The following KIAA1549L variants were observed in gnomAD, a reference collection of about 807,000 sequenced individuals.
KIAA1549L encodes the protein UPF0606 protein KIAA1549L.
In KIAA1549L, 88 loss-of-function variants were observed where a neutral mutation model predicts 160.7. That is an observed-to-expected ratio of 0.55 (90% CI 0.46 to 0.65). The LOEUF (loss-of-function observed/expected upper bound fraction) is 0.65. KIAA1549L is among the 30% of genes least tolerant of loss of function. The pLI, the probability that KIAA1549L is intolerant of heterozygous loss-of-function variation, is 0.00. For synonymous variants in KIAA1549L, 950 were observed against 976.7 expected (o/e 0.97, Z 0.51); for missense variants, 2,258 against 2,437.5 (o/e 0.93, Z 1.55).
rs547710120 is a variant in KIAA1549L at position 33,543,375 on chromosome 11, C to T, written c.1812C>T (p.Thr604=). The change falls in exon 2 of 21, where the codon ACC becomes ACT. Residue 604 remains threonine, a synonymous_variant. Transcript: ENST00000658780. ...TVNGFVSDFS[T]GSVSSPIITA... is the part of the protein sequence containing the mutation. ...ATGGATTTGTCTCTGATTTCAGCAC[C>T]GGTAGTGTCTCATCTCCCATCATTA... is the stretch of plus-strand genomic sequence containing the variant. The T allele has an allele frequency of 4.1e-5, 66 of 1,614,008 alleles. No homozygotes were observed. In the Middle Eastern group the frequency reaches 4.9e-4, roughly 12 times the overall value.
chr11:33,522,303 CAT>C (rs760978564), intron 1 of KIAA1549L, among the ~76,000 whole-genome samples: 1 of 152,112 alleles, frequency 6.6e-6, no homozygotes, highest in Non-Finnish European at 1.5e-5. Flanking sequence ...ATAGTGATAT[CAT>C]ATTAATGGCG....
chr11:33,552,335 C>T, intron 6 of KIAA1549L, 94 bp downstream of exon 6: 1 of 1,348,762 alleles, frequency 7.4e-7, no homozygotes, highest in Non-Finnish European at 1.0e-6. Context: ...TTCAGAGCTA[C>T]CATGTATAAA....
At chr11:33,609,706 C>T (rs1172812804) in intron 14 of KIAA1549L, 43 bp from the exon 15 acceptor site, 2 of 1,485,240 alleles carry the variant, frequency 1.3e-6, no homozygotes, top group Non-Finnish European at 9.2e-7. Flanking sequence ...ACCTGCCGGC[C>T]CCACTGGGTC....
chr11:33,383,740 G>A (rs1371381361), intron 1 of KIAA1549L, among the ~76,000 whole-genome samples: 4 of 152,182 alleles, frequency 2.6e-5, no homozygotes, highest in Non-Finnish European at 5.9e-5. Context: ...GGATGTGGCA[G>A]GACAGCAAGT....
intron 1 of KIAA1549L, among the ~76,000 whole-genome samples, chr11:33,508,216 G>A (rs1590297353): frequency 6.6e-6 from 1 of 152,324 alleles, no homozygotes; most frequent in South Asian, 2.1e-4. Flanking sequence ...GTAGTTTTTG[G>A]TTATCCAGCC....
At chr11:33,586,671 G>A (rs1849888255) in intron 11 of KIAA1549L, among the ~76,000 whole-genome samples, 1 of 151,914 alleles carries the variant, frequency 6.6e-6, no homozygotes, top group South Asian at 2.1e-4. Flanking sequence ...GCTTGGGACA[G>A]GCCAGTCACC....
chr11:33,567,861 G>A (rs1855102159), intron 8 of KIAA1549L, among the ~76,000 whole-genome samples: 2 of 152,196 alleles, frequency 1.3e-5, no homozygotes, highest in Admixed American at 6.5e-5. Context: ...CGTGACCTCA[G>A]ACAAGTCACT....
chr11:33,568,339 C>T (rs965170922), intron 9 of KIAA1549L, 112 bp downstream of exon 9: 41 of 966,254 alleles, frequency 4.2e-5, no homozygotes, highest in Non-Finnish European at 5.7e-5. Context: ...ATGCTGCCAA[C>T]TGACTAAGCC....
At chr11:33,380,368 G>A (rs1565112916) in intron 1 of KIAA1549L, among the ~76,000 whole-genome samples, 1 of 152,156 alleles carries the variant, frequency 6.6e-6, no homozygotes, top group Non-Finnish European at 1.5e-5. Context: ...ATAATTCACA[G>A]TAAGTTGTGA....
At chr11:33,495,376 GT>G (rs1852792396) in intron 1 of KIAA1549L, among the ~76,000 whole-genome samples, 7 of 151,332 alleles carry the variant, frequency 4.6e-5, no homozygotes, top group African/African-American at 1.7e-4. Flanking sequence ...AATATGCGGT[GT>G]TTGGTTTTTT....
intron 1 of KIAA1549L, among the ~76,000 whole-genome samples, chr11:33,433,731 C>T (rs1444185580): frequency 6.6e-6 from 1 of 152,160 alleles, no homozygotes; most frequent in Non-Finnish European, 1.5e-5. Context: ...AAATGTGGCA[C>T]ATATACACCA....
At chr11:33,437,014 T>C (rs1390066797) in intron 1 of KIAA1549L, among the ~76,000 whole-genome samples, 1 of 152,252 alleles carries the variant, frequency 6.6e-6, no homozygotes, top group African/African-American at 2.4e-5. Flanking sequence ...CTTTTAGTTA[T>C]ACACCTGAAT....
At chr11:33,413,462 G>A (rs556549735) in intron 1 of KIAA1549L, among the ~76,000 whole-genome samples, 2 of 150,142 alleles carry the variant, frequency 1.3e-5, no homozygotes, top group Non-Finnish European at 3.0e-5. Context: ...AAAGCAATAC[G>A]TCTTAACATT....
At chr11:33,567,990 C>A in intron 8 of KIAA1549L, 86 bp from the exon 9 acceptor site, 1 of 1,370,696 alleles carries the variant, frequency 7.3e-7, no homozygotes, top group Non-Finnish European at 9.6e-7. Flanking sequence ...CCCTTGGTGG[C>A]CTGTGCAGGG....
intron 1 of KIAA1549L, among the ~76,000 whole-genome samples, chr11:33,493,979 A>G (rs1167070518): frequency 6.6e-6 from 1 of 152,220 alleles, no homozygotes; most frequent in Non-Finnish European, 1.5e-5. Context: ...CAAGACATCA[A>G]TCTTCTTTAA....
At chr11:33,570,161 G>A (rs1312260133) in intron 9 of KIAA1549L, among the ~76,000 whole-genome samples, 1 of 152,100 alleles carries the variant, frequency 6.6e-6, no homozygotes, top group African/African-American at 2.4e-5. Context: ...GCACTGCCAT[G>A]CCTAGCTAGT....
rs564457881 is a variant in KIAA1549L, at chr11:33,624,921, A to G, written c.5409+6259A>G. The stretch of plus-strand genomic sequence containing the variant: ...TATCCCTCCCCCCTCCCCCCACCCC[A>G]CAACAGTCCCCAGAGTGTGATGTTC... On this transcript the variant is annotated intron_variant, in intron 16 of 20. Transcript: ENST00000658780. Among the ~76,000 whole-genome samples the G allele has an allele frequency of 4.5e-3, 367 of 81,156 alleles. 1 individual carries two copies. The highest frequency in any genetic ancestry group is 0.017 in the South Asian group (34 of 2,058). The allele number at this position is 81,156 out of a possible 152,430, so 53.2% of individuals were successfully genotyped here.
chr11:33,542,185 G>T lies in KIAA1549L; in HGVS notation c.622G>T (p.Val208Phe). The stretch of plus-strand genomic sequence containing the variant: ...CAGCATGCTCCCCTCGTTGTCCACA[G>T]TCCCATCAGGGACATCCTTCAGTGC... ...LTSMLPSLST[V>F]PSGTSFSAVP... Residue 208 changes from valine (V) to phenylalanine (F), a missense_variant, in exon 2 of 21, where the codon GTC (valine) becomes TTC (phenylalanine). Transcript: ENST00000658780. 1.6e-6 allele frequency: 1 copy of T among 638,834 alleles called. No individual in the cohort carries two copies. Among genetic ancestry groups the T allele is most frequent in the Non-Finnish European group, 2.9e-6 (1 of 343,626 alleles). The allele number at this position is 638,834 out of a possible 1,614,324, so 39.6% of individuals were successfully genotyped here. A position where few individuals can be genotyped will look rare whatever the true frequency, so the allele number is the denominator to read the frequency against.
chr11:33,625,093 A>AT (rs1392806676), intron 16 of KIAA1549L, among the ~76,000 whole-genome samples: 1 of 151,776 alleles, frequency 6.6e-6, no homozygotes, highest in Non-Finnish European at 1.5e-5. Context: ...TGAACTCATC[A>AT]TTTTTTATGG....
Sources: allele counts gnomAD v4.1 joint callset (sites outside exome capture counted in the v4.1 genomes callset), GRCh38; gene constraint gnomAD v4.1.1; transcripts MANE v1.5; gene names NCBI Gene and HGNC (gene_info 2026-07-23, HGNC 2026-07-21).